Variants in MSI1 observed in about 807,000 individuals in gnomAD.
The protein encoded by MSI1 is musashi RNA binding protein 1.
Under a neutral mutation model 54.4 loss-of-function variants are expected in MSI1, and 15 were observed. That is an observed-to-expected ratio of 0.28 (90% CI 0.18 to 0.42). The LOEUF (loss-of-function observed/expected upper bound fraction) is 0.42, where lower values mean the gene tolerates loss of function less well. MSI1 is among the 20% of genes least tolerant of loss of function. The pLI, the probability that MSI1 is intolerant of heterozygous loss-of-function variation, is 1.00. For missense variants in MSI1, 304 were observed against 506.0 expected, an observed-to-expected ratio of 0.60 and a Z score of 3.83; for synonymous variants, 200 against 196.5, an observed-to-expected ratio of 1.02 and a Z score of -0.15.
At chr12:120,348,754 G>A (rs1874355524) in intron 11 of MSI1, among the ~76,000 whole-genome samples, 1 of 152,016 alleles carries the variant, frequency 6.6e-6, no homozygotes, top group Admixed American at 6.6e-5. Context: ...TTAGCCAGGT[G>A]TGGTGGTGCA....
At chr12:120,362,467 T>G (rs982935647) in intron 6 of MSI1, among the ~76,000 whole-genome samples, 3 of 152,002 alleles carry the variant, frequency 2.0e-5, no homozygotes, top group African/African-American at 7.3e-5. Context: ...AAATTAAAGC[T>G]CCATGCCCCT....
chr12:120,353,985 T>C (rs1874859683), intron 9 of MSI1, among the ~76,000 whole-genome samples: 1 of 152,160 alleles, frequency 6.6e-6, no homozygotes, highest in South Asian at 2.1e-4. Context: ...GATTTTTTTT[T>C]CTTTTTTCTT....
In MSI1 at chr12:120,367,959, G is replaced by A. The variant is rs371488847; in HGVS notation, c.267+49C>T. ...GGGGAGAGTCCTGACCCTCTCCTCC[G>A]GCAGCCTCCCTCTCCCAAAGGACCC... On this transcript the variant is annotated intron_variant, in intron 4 of 14. Transcript: ENST00000257552. 2.3e-4 allele frequency: 355 copies of A among 1,552,588 alleles called. 1 individual carries two copies. In the South Asian group the frequency reaches 3.9e-3, roughly 17 times the overall value.
chr12:120,357,741 T>C (rs1875259449), intron 8 of MSI1, 75 bp downstream of exon 8: 2 of 1,424,040 alleles, frequency 1.4e-6, no homozygotes, highest in Admixed American at 1.7e-5. Flanking sequence ...CCTGACCTCA[T>C]GTAATCTGCC....
chr12:120,369,087 T>C lies in MSI1; in HGVS notation c.5A>G (p.Glu2Gly). 1 of 1,018,288 alleles carries C rather than the reference T, an allele frequency of 9.8e-7. No individual in the cohort carries two copies. Among genetic ancestry groups the C allele is most frequent in the Non-Finnish European group, 1.2e-6 (1 of 856,162 alleles). The allele number at this position is 1,018,288 out of a possible 1,614,324, so 63.1% of individuals were successfully genotyped here. Residue 2 changes from glutamate to glycine, a missense_variant, in exon 1 of 15, where the codon GAG (glutamate) becomes GGG (glycine). Physicochemically the swap from Glu to Gly is moderately conservative, Grantham distance 98. This residue lies in a region of MSI1 where 30 missense variants were observed against 24.8 expected (regional missense o/e 1.21). Transcript: ENST00000257552. M[E>G]TDAPQPGLAS... Reference sequence around the variant, plus strand: ...GAGGCCGGGCTGGGGCGCGTCAGTCTCCATCGGGAGCCGCGGGCGGCGCGG... The same window carrying C: ...GAGGCCGGGCTGGGGCGCGTCAGTCCCCATCGGGAGCCGCGGGCGGCGCGG...
At chr12:120,347,553 G>A in intron 11 of MSI1, 39 bp from the exon 12 acceptor site, 1 of 1,612,946 alleles carries the variant, frequency 6.2e-7, no homozygotes, top group Non-Finnish European at 8.5e-7. Context: ...ATGGCGGTGA[G>A]GGGCAGAGAT....
chr12:120,367,995 G>A lies in MSI1; in HGVS notation c.267+13C>T, dbSNP rs763316347. The A allele has an allele frequency of 3.7e-6, 6 of 1,605,734 alleles. No homozygotes were observed. The East Asian group carries it at 9.0e-5, about 24-fold the overall frequency. The stretch of plus-strand genomic sequence containing the variant: ...TCTCCCAAAGGACCCCCGAAGCCCC[G>A]AGGGCCACTCACTGTTTTGGAGTCG... On this transcript the variant is annotated intron_variant, in intron 4 of 14. Transcript: ENST00000257552.
chr12:120,345,729 C>G, intron 13 of MSI1, 97 bp from the exon 14 acceptor site: 1 of 1,404,400 alleles, frequency 7.1e-7, no homozygotes, highest in South Asian at 1.2e-5. Flanking sequence ...GAGGCGCTGA[C>G]CTCTCTCTAC....
At chr12:120,349,897 C>T (rs1874448851) in intron 11 of MSI1, among the ~76,000 whole-genome samples, 1 of 152,228 alleles carries the variant, frequency 6.6e-6, no homozygotes, top group Non-Finnish European at 1.5e-5. Flanking sequence ...CATGTGCTTA[C>T]CACACTGTAA....
chr12:120,356,822 G>A, intron 9 of MSI1, 80 bp downstream of exon 9: 3 of 1,246,634 alleles, frequency 2.4e-6, no homozygotes, highest in South Asian at 2.4e-5. Context: ...CCACAGGGGA[G>A]GTGCAACACC....
Position 120,341,415 on chromosome 12 carries a change from G to A in MSI1, c.*1712C>T, listed in dbSNP as rs993662952. The A allele has an allele frequency of 2.6e-5, 4 of 152,268 alleles. No individual in the cohort carries two copies. The highest frequency in any genetic ancestry group is 4.8e-5 in the African/African-American group (2 of 41,322). The allele number at this position is 152,268 out of a possible 1,614,324, so 9.4% of individuals were successfully genotyped here. Reference sequence around the variant, plus strand: ...TACAGATGTGGAGAGAAGAGACACCGGAGGATGGTAACTTGCTGGCTTCGA... The same window carrying A: ...TACAGATGTGGAGAGAAGAGACACCAGAGGATGGTAACTTGCTGGCTTCGA... On this transcript the variant is annotated 3_prime_UTR_variant, in exon 15 of 15. Coordinates refer to ENST00000257552, the MANE Select transcript of MSI1 (RefSeq NM_002442.4).
intron 6 of MSI1, among the ~76,000 whole-genome samples, chr12:120,362,308 A>G (rs1229869273): frequency 6.6e-6 from 1 of 151,996 alleles, no homozygotes; most frequent in Non-Finnish European, 1.5e-5. Context: ...CCCGGCCCCA[A>G]GCAAAACAAC....
chr12:120,368,330 C>G lies in MSI1; in HGVS notation c.101-57G>C. 5.9e-6 allele frequency: 9 copies of G among 1,527,100 alleles called. No homozygotes were observed. Among genetic ancestry groups the G allele is most frequent in the Non-Finnish European group, 7.9e-6 (9 of 1,132,496 alleles). 94.6% of individuals were successfully genotyped at this position (1,527,100 alleles called of 1,614,324 possible). ...CGGGCCCCGCGCCCTTCCCCCCCCC[C>G]CGTCCTTTGCCCCCGGTGACCCCGG... On this transcript the variant is annotated intron_variant, in intron 2 of 14. Transcript: ENST00000257552. The surrounding 1 kb of genome is among the most constrained non-coding windows in gnomAD (Gnocchi z 6.6).
intron 9 of MSI1, among the ~76,000 whole-genome samples, chr12:120,355,030 CAAAAAAAAAAAAA>C (rs71076610): frequency 4.5e-5 from 2 of 44,098 alleles, no homozygotes; most frequent in South Asian, 1.0e-3. Flanking sequence ...CCGTCTCTAC[CAAAAAAAAAAAAA>C]AAAAAAAAAA....
chr12:120,353,075 A>T (rs985530711), intron 10 of MSI1, among the ~76,000 whole-genome samples: 5 of 147,900 alleles, frequency 3.4e-5, no homozygotes, highest in African/African-American at 1.2e-4. Context: ...CTGGGAGAAA[A>T]CGGTGCCATG....
intron 11 of MSI1, among the ~76,000 whole-genome samples, chr12:120,348,216 T>C (rs1442466152): frequency 6.6e-6 from 1 of 152,160 alleles, no homozygotes; most frequent in African/African-American, 2.4e-5. Flanking sequence ...TTGTTTGCTG[T>C]CTGCCATCAT....
intron 4 of MSI1, among the ~76,000 whole-genome samples, chr12:120,366,592 C>T (rs1876033520): frequency 6.6e-6 from 1 of 152,152 alleles, no homozygotes; most frequent in Non-Finnish European, 1.5e-5. Flanking sequence ...CCCTGACACA[C>T]CCCACCTCCA....
intron 9 of MSI1, among the ~76,000 whole-genome samples, chr12:120,355,887 G>GGAA (rs56655594): frequency 0.25 from 37,988 of 151,624 alleles, 6,510 homozygotes; most frequent in African/African-American, 0.5. Context: ...AATTCCCAGA[G>GGAA]TACCTCTCTG....
At chr12:120,347,871 G>A (rs1238583450) in intron 11 of MSI1, among the ~76,000 whole-genome samples, 1 of 152,172 alleles carries the variant, frequency 6.6e-6, no homozygotes, top group Non-Finnish European at 1.5e-5. Context: ...TCTCCAGGAT[G>A]CCCTTGGCAA....
Sources: gnomAD v4.1 joint callset for allele counts (sites outside exome capture counted in the v4.1 genomes callset) on GRCh38, gnomAD v4.1.1 for gene constraint, gnomAD v4.1.1 regional missense constraint, Gnocchi (gnomAD v3.1) non-coding constraint, MANE v1.5 for transcripts, NCBI Gene and HGNC (gene_info 2026-07-23, HGNC 2026-07-21) for gene names.